Variants in U2SURP observed in about 807,000 individuals in gnomAD.
U2SURP encodes U2 snRNP-associated SURP motif-containing protein.
Under a neutral mutation model 144.9 loss-of-function variants are expected in U2SURP, and 9 were observed. That is an observed-to-expected ratio of 0.06 (90% CI 0.04 to 0.11). U2SURP has a LOEUF of 0.11. U2SURP is among the 10% of genes least tolerant of loss of function. The probability of loss-of-function intolerance (pLI) is 1.00; values close to 1 mark genes in which losing one functional copy is unlikely to be tolerated. For missense variants in U2SURP, 724 were observed against 1,226.7 expected, an observed-to-expected ratio of 0.59 and a Z score of 6.12; for synonymous variants, 408 against 396.8, an observed-to-expected ratio of 1.03 and a Z score of -0.33.
intron 23 of U2SURP, 76 bp downstream of exon 23, chr3:143,039,036 T>C: frequency 1.9e-6 from 2 of 1,077,892 alleles, no homozygotes; most frequent in Non-Finnish European, 2.5e-6. Context: ...ATAGTTGAAA[T>C]AATAGTGAAG....
At chr3:143,041,819 A>G (rs1428535522) in intron 23 of U2SURP, among the ~76,000 whole-genome samples, 1 of 152,056 alleles carries the variant, frequency 6.6e-6, no homozygotes, top group Non-Finnish European at 1.5e-5. Context: ...TTCAAGTATT[A>G]AAGGCAAAAC....
At chr3:143,039,262 C>T (rs1933971736) in intron 23 of U2SURP, among the ~76,000 whole-genome samples, 1 of 151,642 alleles carries the variant, frequency 6.6e-6, no homozygotes, top group Non-Finnish European at 1.5e-5. Flanking sequence ...GTTTTGGGCT[C>T]CATAAAAAGT....
chr3:143,050,368 C>T (rs9881390), intron 24 of U2SURP, among the ~76,000 whole-genome samples: 5,591 of 152,224 alleles, frequency 0.037, 295 homozygotes, highest in African/African-American at 0.12. Flanking sequence ...CCACTGCGCC[C>T]GGCCTGGTCT....
At chr3:143,044,614 G>A (rs1175219323) in intron 24 of U2SURP, among the ~76,000 whole-genome samples, 1 of 152,172 alleles carries the variant, frequency 6.6e-6, no homozygotes, top group Non-Finnish European at 1.5e-5. Flanking sequence ...GTAAATGCTA[G>A]CAGTAGTTTA....
At chr3:143,004,573 ACCC>A (rs753834748) in intron 1 of U2SURP, among the ~76,000 whole-genome samples, 1,020 of 48,560 alleles carry the variant, frequency 0.021, 172 homozygotes, top group South Asian at 0.05. Context: ...TGACCTTGTG[ACCC>A]CCCCCCCCCG....
At position 143,058,975 on chromosome 3, in the gene U2SURP, G is replaced by GGATTGTTTAC. The variant is rs1423028990; in HGVS notation, c.*2526_*2535dup. 1 of 151,770 alleles carries GGATTGTTTAC rather than the reference G, an allele frequency of 6.6e-6. No homozygotes were observed. Among genetic ancestry groups the GGATTGTTTAC allele is most frequent in the Non-Finnish European group, 1.5e-5 (1 of 67,778 alleles). The allele number at this position is 151,770 out of a possible 1,614,324, so 9.4% of individuals were successfully genotyped here. A position where few individuals can be genotyped will look rare whatever the true frequency, so the allele number is the denominator to read the frequency against. On this transcript the variant is annotated 3_prime_UTR_variant, in exon 28 of 28. Coordinates refer to ENST00000473835, the MANE Select transcript of U2SURP (RefSeq NM_001080415.2). Reference sequence around the variant, plus strand: ...CCTCCAACTTAATGTTTATACACAGGGATTGTTTACTAGGTTAATGACATT... The same window carrying GGATTGTTTAC: ...CCTCCAACTTAATGTTTATACACAGGGATTGTTTACGATTGTTTACTAGGTTAATGACATT...
chr3:143,057,955 T>C lies in U2SURP; in HGVS notation c.*1505T>C, dbSNP rs2108325218. 1 of 152,542 alleles carries C rather than the reference T, an allele frequency of 6.6e-6. No individual in the cohort carries two copies. Among genetic ancestry groups the C allele is most frequent in the East Asian group, 1.9e-4 (1 of 5,188 alleles). The allele number at this position is 152,542 out of a possible 1,614,324, so 9.4% of individuals were successfully genotyped here. ...GGAAATGAGCCAATCACTGTTTTACTTAATGGTTCTTATCAGCATGCAAAT... is the reference window on the plus strand; with the variant it reads ...GGAAATGAGCCAATCACTGTTTTACCTAATGGTTCTTATCAGCATGCAAAT... On this transcript the variant is annotated 3_prime_UTR_variant, in exon 28 of 28. Coordinates refer to ENST00000473835, the MANE Select transcript of U2SURP (RefSeq NM_001080415.2).
chr3:143,013,722 A>G (rs1202584937), intron 3 of U2SURP, among the ~76,000 whole-genome samples: 1 of 152,128 alleles, frequency 6.6e-6, no homozygotes, highest in African/African-American at 2.4e-5. Flanking sequence ...TCTTATATTT[A>G]AAATTGATAT....
chr3:143,012,102 A>G, intron 2 of U2SURP, 120 bp from the exon 3 acceptor site: 9 of 1,269,700 alleles, frequency 7.1e-6, no homozygotes, highest in Non-Finnish European at 1.0e-5. Context: ...AAGGGATGTG[A>G]TATTTTGATA....
chr3:143,049,479 A>G (rs1020561942), intron 24 of U2SURP, among the ~76,000 whole-genome samples: 2 of 152,192 alleles, frequency 1.3e-5, no homozygotes, highest in African/African-American at 4.8e-5. Context: ...CAGTAATTTC[A>G]TGGGACAAGA....
At chr3:143,029,117 CT>C (rs1230766252) in intron 16 of U2SURP, among the ~76,000 whole-genome samples, 1 of 152,194 alleles carries the variant, frequency 6.6e-6, no homozygotes, top group Admixed American at 6.6e-5. Context: ...ATTAGTCTCA[CT>C]TAACAATTGT....
At position 143,034,913 on chromosome 3, in the gene U2SURP, T is replaced by C; in HGVS notation, c.1879T>C (p.Phe627Leu). 1 of 1,604,330 alleles carries C rather than the reference T, an allele frequency of 6.2e-7. No individual in the cohort carries two copies. The highest frequency in any genetic ancestry group is 8.5e-7 in the Non-Finnish European group (1 of 1,174,268). Residue 627 changes from phenylalanine (F) to leucine (L), a missense_variant, in exon 19 of 28, where the codon TTT becomes CTT. Around this residue, in one of 13 missense-constraint regions of U2SURP, gnomAD observed 116 missense variants for 167.9 expected, o/e 0.69. Transcript: ENST00000473835. ...KFFETKLCQIFSDLNATYRTI... is the reference protein window; with the variant it reads ...KFFETKLCQILSDLNATYRTI... ...TTTTGAAACAAAGTTATGTCAGATA[T>C]TTTCAGACCTCAATGCCACCTATCG...
At chr3:143,055,206 ATTTT>A (rs74668359) in intron 27 of U2SURP, 87 bp downstream of exon 27, 7 of 994,706 alleles carry the variant, frequency 7.0e-6, no homozygotes, top group Non-Finnish European at 9.8e-6. Flanking sequence ...GTTGGCATAC[ATTTT>A]TTTTTTTTTT....
At chr3:143,025,867 T>C (rs1349115852) in intron 13 of U2SURP, 1 of 152,170 alleles carries the variant, frequency 6.6e-6, no homozygotes, top group African/African-American at 2.4e-5. Context: ...AAAATAATTA[T>C]AGTCACCTTG....
intron 19 of U2SURP, 27 bp downstream of exon 19, chr3:143,035,002 C>G: frequency 8.4e-7 from 1 of 1,187,110 alleles, no homozygotes; most frequent in Non-Finnish European, 1.2e-6. Context: ...ACTATTTTTG[C>G]CCTAGTGTTT....
At chr3:143,009,833 T>A (rs1936033542) in intron 1 of U2SURP, among the ~76,000 whole-genome samples, 1 of 152,196 alleles carries the variant, frequency 6.6e-6, no homozygotes, top group African/African-American at 2.4e-5. Context: ...AATCTTCAGT[T>A]TTTCTCTTAA....
At chr3:143,055,248 C>T in intron 27 of U2SURP, 129 bp downstream of exon 27, 1 of 816,648 alleles carries the variant, frequency 1.2e-6, no homozygotes, top group Non-Finnish European at 1.9e-6. Flanking sequence ...CAAAGAGATA[C>T]ACTTTCATTT....
intron 25 of U2SURP, among the ~76,000 whole-genome samples, chr3:143,052,493 T>C (rs1285321611): frequency 6.6e-6 from 1 of 152,218 alleles, no homozygotes; most frequent in Non-Finnish European, 1.5e-5. Flanking sequence ...AAATACATAA[T>C]ATTTGTGTTA....
chr3:143,033,403 G>A, intron 18 of U2SURP, 53 bp downstream of exon 18: 3 of 995,628 alleles, frequency 3.0e-6, no homozygotes, highest in Non-Finnish European at 4.5e-6. Flanking sequence ...TAAGGGTAAG[G>A]AGTTCAGAAA....
Sources: allele counts gnomAD v4.1 joint callset (sites outside exome capture counted in the v4.1 genomes callset), GRCh38; gene constraint gnomAD v4.1.1; regional missense constraint gnomAD v4.1.1; transcripts MANE v1.5; gene names NCBI Gene and HGNC (gene_info 2026-07-23, HGNC 2026-07-21).